Variants in ASAH2 observed in about 807,000 individuals in gnomAD.
ASAH2 encodes neutral ceramidase.
In ASAH2, 58 loss-of-function variants were observed where a neutral mutation model predicts 82.9. The ratio of observed to expected loss-of-function variants is 0.70; its 90% CI spans 0.57 to 0.87. The LOEUF (loss-of-function observed/expected upper bound fraction) is 0.87. Among genes scored for constraint, ASAH2 ranks in the 40% least tolerant of loss-of-function variants. ASAH2 has a pLI of 0.00. For missense variants in ASAH2, 779 were observed against 834.0 expected, an observed-to-expected ratio of 0.93 and a Z score of 0.81; for synonymous variants, 276 against 289.7, an observed-to-expected ratio of 0.95 and a Z score of 0.48.
chr10:50,214,962 C>G, intron 8 of ASAH2, 94 bp from the exon 9 acceptor site: 1 of 1,492,964 alleles, frequency 6.7e-7, no homozygotes, highest in Admixed American at 1.9e-5. Context: ...CTCTGGCAAA[C>G]TATTCAAAAT....
chr10:50,206,070 T>C lies in ASAH2; in HGVS notation c.1442A>G (p.Asp481Gly), dbSNP rs1212126555. 4 of 1,612,362 alleles carry C rather than the reference T, an allele frequency of 2.5e-6. No homozygotes were observed. The highest frequency in any genetic ancestry group is 3.4e-6 in the Non-Finnish European group (4 of 1,178,752). The change falls in exon 13 of 21, where the codon GAC becomes GGC. Residue 481 changes from aspartate (D) to glycine (G), a missense_variant. Around this residue, in one of 3 missense-constraint regions of ASAH2, gnomAD observed 759 missense variants for 755.2 expected, o/e 1.00. Coordinates refer to ENST00000682911, the MANE Select transcript of ASAH2 (RefSeq NM_019893.4). ...QGKTEGDPFWDTIRDQILGKP... is the reference protein window; with the variant it reads ...QGKTEGDPFWGTIRDQILGKP... ...TCCCAGGATCTGGTCCCGAATGGTG[T>C]CCCAAAATGGATCCCCTTCTGTTTT...
At chr10:50,242,811 C>T (rs1242824393) in intron 4 of ASAH2, among the ~76,000 whole-genome samples, 2 of 152,184 alleles carry the variant, frequency 1.3e-5, no homozygotes, top group East Asian at 3.9e-4. Flanking sequence ...TCCGATTCCT[C>T]ACATGTATTC....
chr10:50,199,337 C>G (rs1430273524), intron 16 of ASAH2, among the ~76,000 whole-genome samples, 191 bp from the exon 17 acceptor site: 7 of 151,970 alleles, frequency 4.6e-5, no homozygotes, highest in Admixed American at 4.6e-4. Flanking sequence ...CTCCTATGGA[C>G]TACCTGTTAA....
rs954543746 is a variant in ASAH2, at chr10:50,209,360, A to T, written c.1414+1463T>A. ...AAACCTACAGAATGGAAGAAAAAAA[A>T]TTTTTTTTGAGACAGAGTCTCACTC... On this transcript the variant is annotated intron_variant, in intron 12 of 20. Coordinates refer to ENST00000682911, the MANE Select transcript of ASAH2 (RefSeq NM_019893.4). 1.5e-4 allele frequency among the ~76,000 whole-genome samples: 22 copies of T among 151,428 alleles called. No individual in the cohort carries two copies. The South Asian group carries it at 4.4e-3, about 30-fold the overall frequency.
chr10:50,204,630 GT>G (rs1193500666), intron 14 of ASAH2, among the ~76,000 whole-genome samples: 1 of 151,660 alleles, frequency 6.6e-6, no homozygotes, highest in Non-Finnish European at 1.5e-5. Flanking sequence ...TTTGGGATAA[GT>G]TTTTTTTAAT....
rs1845257492 is a variant in ASAH2 at position 50,204,962 on chromosome 10, A to T, written c.1531-7T>A. On this transcript the variant is annotated splice_region_variant and splice_polypyrimidine_tract_variant and intron_variant, in intron 13 of 20. Transcript: ENST00000682911. ...AGGGGTGAGGTTTTGATAGCTGAGA[A>T]CCCAAAACAAGAAAATTATGTTAGG... The T allele has an allele frequency of 2.5e-6, 4 of 1,592,118 alleles. No homozygotes were observed. The highest frequency in any genetic ancestry group is 3.4e-6 in the Non-Finnish European group (4 of 1,167,246).
chr10:50,212,212 C>CAT (rs1554905804), intron 10 of ASAH2, among the ~76,000 whole-genome samples: 9 of 151,616 alleles, frequency 5.9e-5, no homozygotes, highest in Non-Finnish European at 1.2e-4. Context: ...CACACACACA[C>CAT]GCAGCAAAGG....
At chr10:50,221,366 G>A (rs2133215025) in intron 7 of ASAH2, among the ~76,000 whole-genome samples, 2 of 152,234 alleles carry the variant, frequency 1.3e-5, no homozygotes, top group Middle Eastern at 6.8e-3. Flanking sequence ...ATCACACTGA[G>A]GTCAGCCAGC....
chr10:50,251,369 C>T (rs1323439490), intron 1 of ASAH2, among the ~76,000 whole-genome samples, 26 bp downstream of exon 1: 2 of 152,186 alleles, frequency 1.3e-5, no homozygotes, highest in Non-Finnish European at 2.9e-5. Flanking sequence ...TTCCCTCCTT[C>T]CCCAAGAAAA....
rs1820698382 is a variant in ASAH2, at chr10:50,224,752, C to T, written c.894-6122G>A. Among the ~76,000 whole-genome samples, 4 of 152,264 alleles carry T rather than the reference C, an allele frequency of 2.6e-5. No homozygotes were observed. The East Asian group carries it at 5.8e-4, about 22-fold the overall frequency. On this transcript the variant is annotated intron_variant, in intron 7 of 20. Transcript: ENST00000682911. Reference sequence around the variant, plus strand: ...TTGCCATTAATTACCTTCACACCCTCGTTTTCACTCCCTCAAAATCATCCT... The same window carrying T: ...TTGCCATTAATTACCTTCACACCCTTGTTTTCACTCCCTCAAAATCATCCT...
chr10:50,237,083 G>T (rs940706218), intron 4 of ASAH2, among the ~76,000 whole-genome samples: 51,370 of 152,030 alleles, frequency 0.34, 10,622 homozygotes, highest in Non-Finnish European at 0.45. Flanking sequence ...AGCAGAGGCT[G>T]AGATGAAGAA....
chr10:50,243,384 T>C (rs1476634818), intron 3 of ASAH2, 33 bp from the exon 4 acceptor site: 1 of 1,601,848 alleles, frequency 6.2e-7, no homozygotes, highest in Admixed American at 1.7e-5. Flanking sequence ...AGCTGCTCTG[T>C]CTCATTCCCC....
chr10:50,214,986 T>C (rs1589334529), intron 8 of ASAH2, 118 bp from the exon 9 acceptor site: 1 of 1,275,622 alleles, frequency 7.8e-7, no homozygotes, highest in Non-Finnish European at 1.1e-6. Flanking sequence ...TTGCAGGCAA[T>C]AAAAAGAGGA....
At chr10:50,217,872 C>G (rs1323806733) in intron 8 of ASAH2, among the ~76,000 whole-genome samples, 2 of 152,144 alleles carry the variant, frequency 1.3e-5, no homozygotes, top group African/African-American at 4.8e-5. Flanking sequence ...TGCCTGTAAT[C>G]ATAACATTTT....
intron 7 of ASAH2, among the ~76,000 whole-genome samples, chr10:50,232,008 T>C (rs1846032413): frequency 6.6e-6 from 1 of 152,148 alleles, no homozygotes. Context: ...TGAATTAAGT[T>C]ACTTTCTCCA....
rs1322910528 is a variant in ASAH2 at position 50,218,078 on chromosome 10, C to T, written c.1014+432G>A. On this transcript the variant is annotated intron_variant, in intron 8 of 20. Transcript: ENST00000682911. ...GGCAGAGGTTTCAATGAGCTGAGAT[C>T]GTGCCACTGCTCTCCAGCTTGGGTG... Among the ~76,000 whole-genome samples, 5 of 152,062 alleles carry T rather than the reference C, an allele frequency of 3.3e-5. No individual in the cohort carries two copies. In the East Asian group the frequency reaches 5.8e-4, roughly 18 times the overall value.
At chr10:50,227,961 A>C (rs1845932910) in intron 7 of ASAH2, among the ~76,000 whole-genome samples, 1 of 152,202 alleles carries the variant, frequency 6.6e-6, no homozygotes, top group Non-Finnish European at 1.5e-5. Flanking sequence ...AAGTTAGAGC[A>C]GGAAGACAGC....
chr10:50,198,930 G>A (rs1393484716), intron 17 of ASAH2, 121 bp downstream of exon 17: 8 of 1,072,774 alleles, frequency 7.5e-6, no homozygotes, highest in African/African-American at 1.6e-5. Context: ...AACACTCGAA[G>A]CTAAGGTTCT....
At chr10:50,221,663 A>G (rs1233758348) in intron 7 of ASAH2, among the ~76,000 whole-genome samples, 5 of 138,404 alleles carry the variant, frequency 3.6e-5, no homozygotes, top group South Asian at 2.2e-4. Context: ...GTGTGTGTAT[A>G]GATAGATAGA....
Sources: allele counts gnomAD v4.1 joint callset (sites outside exome capture counted in the v4.1 genomes callset), GRCh38; gene constraint gnomAD v4.1.1; regional missense constraint gnomAD v4.1.1; transcripts MANE v1.5; gene names NCBI Gene and HGNC (gene_info 2026-07-23, HGNC 2026-07-21).